The following SLC30A8 variants were observed in gnomAD, a reference collection of about 807,000 sequenced individuals.
The protein encoded by SLC30A8 is proton-coupled zinc antiporter SLC30A8.
Under a neutral mutation model 36.9 loss-of-function variants are expected in SLC30A8, and 27 were observed. The ratio of observed to expected loss-of-function variants is 0.73; its 90% CI spans 0.54 to 1.01. SLC30A8 has a LOEUF of 1.01. Ranked by LOEUF, SLC30A8 falls within the 50% of genes least tolerant of loss-of-function variation. The pLI is 0.00. For missense variants in SLC30A8, 439 were observed against 452.0 expected (o/e 0.97, Z 0.26); for synonymous variants, 164 against 172.4 (o/e 0.95, Z 0.38).
chr8:117,008,046 ATAAG>A (rs1223681864), intron 1 of SLC30A8, among the ~76,000 whole-genome samples: 1 of 152,186 alleles, frequency 6.6e-6, no homozygotes, highest in African/African-American at 2.4e-5. Flanking sequence ...TGAGCAACCG[ATAAG>A]AGGCTGGTAG....
chr8:117,052,962 A>G (rs373747338), intron 2 of SLC30A8, among the ~76,000 whole-genome samples: 84 of 149,562 alleles, frequency 5.6e-4, no homozygotes, highest in Non-Finnish European at 1.0e-3. Context: ...GCTGGAGTGC[A>G]GTGGTGCAAT....
At chr8:117,166,362 G>A (rs546772712) in intron 6 of SLC30A8, among the ~76,000 whole-genome samples, 17 of 152,214 alleles carry the variant, frequency 1.1e-4, no homozygotes, top group East Asian at 3.9e-4. Flanking sequence ...GCCATTTGTC[G>A]TTAACAAATG....
At position 117,076,053 on chromosome 8, in the gene SLC30A8, TTC is replaced by T. The variant is rs558770507; in HGVS notation, c.-226+36801_-226+36802del. Among the ~76,000 whole-genome samples, 31 of 152,328 alleles carry T rather than the reference TTC, an allele frequency of 2.0e-4. No homozygotes were observed. In the South Asian group the frequency reaches 6.0e-3, roughly 29 times the overall value. On this transcript the variant is annotated intron_variant, in intron 2 of 10. Coordinates refer to the SLC30A8 transcript ENST00000427715. ...TGCTTCCTTCTTCCTCTCTCTTCTT[TTC>T]TCTCTTTCTTTGGTATTTAAACCAA...
At chr8:117,117,302 CAAAA>C (rs533760135) in intron 2 of SLC30A8, among the ~76,000 whole-genome samples, 2 of 149,162 alleles carry the variant, frequency 1.3e-5, no homozygotes, top group African/African-American at 2.5e-5. Flanking sequence ...ATTTTATGAA[CAAAA>C]AAAAAGACAG....
chr8:117,110,872 T>C (rs16889410), intron 2 of SLC30A8, among the ~76,000 whole-genome samples: 3,105 of 152,256 alleles, frequency 0.02, 70 homozygotes, highest in African/African-American at 0.053. Flanking sequence ...TCTTTCTTGC[T>C]TTACAGAGGA....
At chr8:117,097,981 T>G (rs1819526549) in intron 2 of SLC30A8, among the ~76,000 whole-genome samples, 1 of 124,558 alleles carries the variant, frequency 8.0e-6, no homozygotes, top group South Asian at 2.3e-4. Context: ...ATAATAAATT[T>G]AATAAATTTA....
At chr8:117,071,484 C>G (rs1370142583) in intron 2 of SLC30A8, among the ~76,000 whole-genome samples, 1 of 151,996 alleles carries the variant, frequency 6.6e-6, no homozygotes, top group Non-Finnish European at 1.5e-5. Context: ...CAAATATATT[C>G]TCTCATTTTG....
rs141215536 is a variant in SLC30A8, at chr8:117,161,787, G to A, written c.622G>A (p.Val208Ile). Residue 208 changes from valine (V) to isoleucine (I), a missense_variant, in exon 5 of 8, where the codon GTA (valine) becomes ATA (isoleucine). Val to Ile is a conservative substitution (Grantham distance 29). Transcript: ENST00000456015. ...ATGCCTTGGCCACAATCACAAGGAA[G>A]TACAAGCCAATGCCAGCGTCAGAGC... ...QRCLGHNHKE[V>I]QANASVRAAF... 1.2e-5 allele frequency: 20 copies of A among 1,613,856 alleles called. No individual in the cohort carries two copies. The highest frequency in any genetic ancestry group is 1.1e-4 in the East Asian group (5 of 44,878).
chr8:117,037,564 A>AT (rs905703034), intron 1 of SLC30A8, among the ~76,000 whole-genome samples: 28 of 152,044 alleles, frequency 1.8e-4, no homozygotes, highest in South Asian at 6.2e-4. Flanking sequence ...TATTTCTACA[A>AT]TTTTTTTTGA....
intron 1 of SLC30A8, among the ~76,000 whole-genome samples, chr8:116,967,826 G>C (rs1175425849): frequency 6.6e-6 from 1 of 152,166 alleles, no homozygotes; most frequent in African/African-American, 2.4e-5. Context: ...CAAGTTGGTT[G>C]AAGGTTGGAG....
At chr8:117,025,851 C>G (rs1293821983) in intron 1 of SLC30A8, among the ~76,000 whole-genome samples, 1 of 152,168 alleles carries the variant, frequency 6.6e-6, no homozygotes, top group African/African-American at 2.4e-5. Context: ...GATGGATGCT[C>G]TTCTTAGGAG....
chr8:117,117,878 A>G (rs185652111), intron 2 of SLC30A8, among the ~76,000 whole-genome samples: 2 of 152,040 alleles, frequency 1.3e-5, no homozygotes, highest in African/African-American at 4.8e-5. Flanking sequence ...CTGCTCTGCA[A>G]ATTCTTTGCA....
chr8:117,115,160 G>A (rs904386768), intron 2 of SLC30A8, among the ~76,000 whole-genome samples: 19 of 151,900 alleles, frequency 1.3e-4, no homozygotes, highest in Non-Finnish European at 2.1e-4. Flanking sequence ...GGCTGGTCTT[G>A]AACTCCTGGT....
chr8:117,139,859 T>TAAAA (rs61537395), intron 1 of SLC30A8, among the ~76,000 whole-genome samples: 2 of 109,726 alleles, frequency 1.8e-5, no homozygotes, highest in African/African-American at 6.6e-5. Context: ...CAACATCTGG[T>TAAAA]AAAAAAAAAA....
chr8:117,040,970 T>TC (rs1226078068), intron 2 of SLC30A8, among the ~76,000 whole-genome samples: 1 of 152,046 alleles, frequency 6.6e-6, no homozygotes, highest in African/African-American at 2.4e-5. Context: ...AGGGGCTTTC[T>TC]CCCATAGAGT....
intron 1 of SLC30A8, among the ~76,000 whole-genome samples, chr8:117,028,626 A>G (rs1191478197): frequency 6.6e-6 from 1 of 151,762 alleles, no homozygotes; most frequent in Non-Finnish European, 1.5e-5. Context: ...TTGTTGAAGT[A>G]GAAATATAAT....
rs139492452 is a variant in SLC30A8 at position 117,106,517 on chromosome 8, C to G, written c.-225-28763C>G. 5.3e-3 allele frequency among the ~76,000 whole-genome samples: 805 copies of G among 152,210 alleles called. 9 individuals carry two copies. Among genetic ancestry groups the G allele is most frequent in the South Asian group, 0.048 (230 of 4,822 alleles). On this transcript the variant is annotated intron_variant, in intron 2 of 10. Transcript: ENST00000427715. ...TGTTAGAGTAAGAAGGAACTTCGAGCAAAAGAGGATTTTAGAGTTGTTTTT... is the reference window on the plus strand; with the variant it reads ...TGTTAGAGTAAGAAGGAACTTCGAGGAAAAGAGGATTTTAGAGTTGTTTTT...
At chr8:117,144,577 A>T (rs1821810854) in intron 1 of SLC30A8, among the ~76,000 whole-genome samples, 1 of 152,318 alleles carries the variant, frequency 6.6e-6, no homozygotes, top group South Asian at 2.1e-4. Context: ...CCAATAATTT[A>T]AAAATATTAG....
chr8:117,041,505 G>C (rs1817385835), intron 2 of SLC30A8, among the ~76,000 whole-genome samples: 1 of 152,032 alleles, frequency 6.6e-6, no homozygotes, highest in Admixed American at 6.6e-5. Context: ...CTGCTTAACA[G>C]AGTGAAACCC....
Sources: gnomAD v4.1 joint callset for allele counts (sites outside exome capture counted in the v4.1 genomes callset) on GRCh38, gnomAD v4.1.1 for gene constraint, MANE v1.5 for transcripts, NCBI Gene and HGNC (gene_info 2026-07-23, HGNC 2026-07-21) for gene names.